ZNF394: variants seen among roughly 807,000 people sequenced by gnomAD.
ZNF394 encodes the protein zinc finger protein 394.
In ZNF394, 19 loss-of-function variants were observed where a neutral mutation model predicts 21.8. The ratio of observed to expected loss-of-function variants is 0.87; its 90% CI spans 0.61 to 1.28. The LOEUF (loss-of-function observed/expected upper bound fraction) is 1.28. Ranked by LOEUF, ZNF394 falls within the 50% of genes most tolerant of loss-of-function variation. The pLI, the probability that ZNF394 is intolerant of heterozygous loss-of-function variation, is 0.00. For missense variants in ZNF394, 683 were observed against 708.6 expected, an observed-to-expected ratio of 0.96 and a Z score of 0.41; for synonymous variants, 294 against 273.3, an observed-to-expected ratio of 1.08 and a Z score of -0.75.
downstream of ZNF394, among the ~76,000 whole-genome samples, chr7:99,492,364 G>A (rs922878579): frequency 6.6e-6 from 1 of 152,024 alleles, no homozygotes; most frequent in East Asian, 1.9e-4. Context: ...TAAAAAGGCC[G>A]GGCATGGTGG....
exon 2 of ZNF394, chr7:99,486,823 G>C: frequency 6.2e-7 from 1 of 1,614,224 alleles, no homozygotes; most frequent in Non-Finnish European, 8.5e-7. Context: ...TGAATGCAGT[G>C]AATGTGGAAA....
intron 2 of ZNF394, 48 bp from the exon 3 acceptor site, chr7:99,494,679 C>T (rs767649519): frequency 9.2e-6 from 14 of 1,517,326 alleles, no homozygotes; most frequent in Non-Finnish European, 1.2e-5. Flanking sequence ...CTGTGCAACA[C>T]AGAAATAAGC....
In ZNF394 at chr7:99,494,542, A is replaced by G. The variant is rs1416178150; in HGVS notation, c.673T>C (p.Phe225Leu). ...GAAAACAGGGGGCGCTTCCCCTGGA[A>G]CGCTTCTTGTAGTTGCCCCTGTGGC... ...AEPQGQLQEA[F>L]QGKRPLFSKC... The change falls in exon 3 of 3, where the codon TTC (phenylalanine) becomes CTC (leucine). Residue 225 changes from phenylalanine (F) to leucine (L), a missense_variant. Physicochemically the swap from Phe to Leu is conservative, Grantham distance 22. This residue lies in a region of ZNF394 where 402 missense variants were observed against 373.8 expected (regional missense o/e 1.08). Transcript: ENST00000337673. 3 of 1,613,340 alleles carry G rather than the reference A, an allele frequency of 1.9e-6. No homozygotes were observed. In the Admixed American group the frequency reaches 5.0e-5, roughly 27 times the overall value.
rs201461099 is a variant in ZNF394 at position 99,499,781 on chromosome 7, C to G, written c.313G>C (p.Glu105Gln). The change falls in exon 1 of 3, where the codon GAG becomes CAG. Residue 105 changes from glutamate (E) to glutamine (Q), a missense_variant. By Grantham distance (29) the Glu-to-Gln change is conservative. Transcript: ENST00000337673. ...PELLSKEQIL[E>Q]LLVLEQFLTI... Reference sequence around the variant, plus strand: ...AGGAACTGCTCCAGCACCAGCAGCTCCAGGATCTGCTCCTTGGAGAGCAGC... The same window carrying G: ...AGGAACTGCTCCAGCACCAGCAGCTGCAGGATCTGCTCCTTGGAGAGCAGC... 55 of 1,614,202 alleles carry G rather than the reference C, an allele frequency of 3.4e-5. No homozygotes were observed. The East Asian group carries it at 1.2e-3, about 36-fold the overall frequency.
At chr7:99,488,045 C>G (rs1021367186) in intron 1 of ZNF394, among the ~76,000 whole-genome samples, 9 of 133,944 alleles carry the variant, frequency 6.7e-5, no homozygotes, top group African/African-American at 2.7e-4. Flanking sequence ...GCACTCCAGC[C>G]TGGGCGACAG....
Position 99,498,736 on chromosome 7 carries a change from G to C in ZNF394, c.563C>G (p.Ser188Cys). Residue 188 changes from serine (S) to cysteine (C), a missense_variant, in exon 2 of 3, where the codon TCC becomes TGC. Physicochemically the swap from Ser to Cys is moderately radical, Grantham distance 112. Transcript: ENST00000337673. ...CTCACTCGGCGGAACTGTGCTCCCG[G>C]AATCCTTCTGCGCACTCTCTCTGCA... The part of the protein sequence containing the change: ...DFCRESAQKD[S>C]GSTVPPSLES... The C allele has an allele frequency of 6.2e-7, 1 of 1,614,028 alleles. No individual in the cohort carries two copies. The highest frequency in any genetic ancestry group is 8.5e-7 in the Non-Finnish European group (1 of 1,179,982).
At chr7:99,490,072 T>C (rs529018309), downstream of ZNF394, among the ~76,000 whole-genome samples, 10 of 151,522 alleles carry the variant, frequency 6.6e-5, no homozygotes, top group African/African-American at 2.2e-4. Context: ...CCCAACACTT[T>C]GGGATGCTGA....
chr7:99,490,798 A>G (rs1800145908), downstream of ZNF394, among the ~76,000 whole-genome samples: 1 of 151,974 alleles, frequency 6.6e-6, no homozygotes, highest in African/African-American at 2.4e-5. Context: ...AAATCTAGAG[A>G]GACTCAGCCA....
chr7:99,496,349 C>G (rs1800310164), intron 2 of ZNF394, among the ~76,000 whole-genome samples: 1 of 151,560 alleles, frequency 6.6e-6, no homozygotes, highest in Non-Finnish European at 1.5e-5. Context: ...AGCCACCACA[C>G]CCGGCACAAG....
At position 99,494,467 on chromosome 7, in the gene ZNF394, G is replaced by T; in HGVS notation, c.748C>A (p.Pro250Thr). 1.2e-6 allele frequency: 2 copies of T among 1,614,020 alleles called. No homozygotes were observed. The change falls in exon 3 of 3, where the codon CCC becomes ACC. Residue 250 changes from proline to threonine, a missense_variant. Physicochemically the swap from Pro to Thr is conservative, Grantham distance 38 (BLOSUM62 -1). Around this residue, in one of 3 missense-constraint regions of ZNF394, gnomAD observed 402 missense variants for 373.8 expected, o/e 1.08. Coordinates refer to ENST00000337673, the MANE Select transcript of ZNF394 (RefSeq NM_032164.4). ...EDRVEKQSGDPLPLKLENSPE... is the reference protein window; with the variant it reads ...EDRVEKQSGDTLPLKLENSPE... The stretch of plus-strand genomic sequence containing the variant: ...GAATTTTCAAGTTTCAGGGGCAAGG[G>T]GTCTCCGGACTGCTTTTCCACCCTG...
Position 99,493,345 on chromosome 7 carries a change from C to T in ZNF394, c.*184G>A. The T allele has an allele frequency of 9.1e-7, 1 of 1,096,410 alleles. No individual in the cohort carries two copies. Among genetic ancestry groups the T allele is most frequent in the Non-Finnish European group, 1.2e-6 (1 of 815,872 alleles). The allele number at this position is 1,096,410 out of a possible 1,614,324, so 67.9% of individuals were successfully genotyped here. On this transcript the variant is annotated 3_prime_UTR_variant, in exon 3 of 3. Transcript: ENST00000337673. ...GATCTCAGCTCACTGCAACTTCCGC[C>T]TCCTGGGTTCAAGTGATTCTCCTAC...
rs754195029 is a variant in ZNF394, at chr7:99,486,991, G to A, written n.84-28C>T. On this transcript the variant is annotated intron_variant and non_coding_transcript_variant, in intron 1 of 1. Coordinates refer to the ZNF394 transcript ENST00000462024. ...GCAAAACAAGCCATACAGATGTCAT[G>A]ACTGTGGAAAGTGTTTTCGGCAGCT... 1.2e-6 allele frequency: 2 copies of A among 1,614,124 alleles called. No individual in the cohort carries two copies. The highest frequency in any genetic ancestry group is 1.7e-6 in the Non-Finnish European group (2 of 1,180,046).
Position 99,493,537 on chromosome 7 carries a change from G to C in ZNF394, c.1678C>G (p.Arg560Gly). ...CTCCCAAAGTGCTGGGATTATAGGC[G>C]TGAGCCACCACGCCCAGCCGACAGC... The part of the protein sequence containing the change: ...KVLSAGRGGS[R>G]L The change falls in exon 3 of 3, where the codon CGC (arginine) becomes GGC (glycine). Residue 560 changes from arginine to glycine, a missense_variant. Arg to Gly is a moderately radical substitution (Grantham distance 125). Transcript: ENST00000337673. 2.5e-6 allele frequency: 4 copies of C among 1,601,628 alleles called. No individual in the cohort carries two copies. Among genetic ancestry groups the C allele is most frequent in the Non-Finnish European group, 3.4e-6 (4 of 1,173,166 alleles).
At chr7:99,489,008 G>A (rs899333763), downstream of ZNF394, among the ~76,000 whole-genome samples, 54 of 151,310 alleles carry the variant, frequency 3.6e-4, 1 homozygote, top group African/African-American at 1.2e-3. Context: ...AAGTCAGCCC[G>A]GCGCAGTGGC....
intron 2 of ZNF394, among the ~76,000 whole-genome samples, chr7:99,497,118 G>GTATA (rs755158094): frequency 4.3e-4 from 42 of 97,138 alleles, no homozygotes; most frequent in African/African-American, 2.1e-3. Context: ...GTGTGTGTGT[G>GTATA]TGTGTATATA....
In ZNF394 at chr7:99,494,201, G is replaced by A; in HGVS notation, c.1014C>T (p.Asp338=). 6.2e-7 allele frequency: 1 copy of A among 1,614,238 alleles called. No homozygotes were observed. Among genetic ancestry groups the A allele is most frequent in the East Asian group, 2.2e-5 (1 of 44,892 alleles). Residue 338 remains aspartate (D), a synonymous_variant, in exon 3 of 3, where the codon GAC becomes GAT. Transcript: ENST00000337673. ...CAAAAAGGCTGGAATGATGGAAACTGTCTCCACTGTCAGACTTGTGAGGTT... is the reference window on the plus strand; with the variant it reads ...CAAAAAGGCTGGAATGATGGAAACTATCTCCACTGTCAGACTTGTGAGGTT... The part of the protein sequence containing the change: ...VLKPHKSDSG[D]SFHHSSLFET...
At chr7:99,494,711 C>T in intron 2 of ZNF394, 80 bp from the exon 3 acceptor site, 1 of 1,474,258 alleles carries the variant, frequency 6.8e-7, no homozygotes, top group Non-Finnish European at 8.9e-7. Flanking sequence ...GAATGTTAAA[C>T]CCTCAAACCC....
intron 2 of ZNF394, among the ~76,000 whole-genome samples, chr7:99,497,168 CTTTTTTT>C (rs1327218917): frequency 2.3e-5 from 2 of 88,362 alleles, no homozygotes; most frequent in African/African-American, 1.2e-4. Context: ...AATGTTTTTT[CTTTTTTT>C]TTTGAGACGG....
intron 2 of ZNF394, among the ~76,000 whole-genome samples, chr7:99,495,979 T>C (rs1299742390): frequency 6.6e-6 from 1 of 152,046 alleles, no homozygotes; most frequent in Non-Finnish European, 1.5e-5. Flanking sequence ...TGGAGTGCAA[T>C]GGCGTGATCT....
Sources: allele counts gnomAD v4.1 joint callset (sites outside exome capture counted in the v4.1 genomes callset), GRCh38; gene constraint gnomAD v4.1.1; regional missense constraint gnomAD v4.1.1; transcripts MANE v1.5; gene names NCBI Gene and HGNC (gene_info 2026-07-23, HGNC 2026-07-21).